The following DLGAP2 variants were observed in gnomAD, a reference collection of about 807,000 sequenced individuals.
DLGAP2 encodes DLG associated protein 2, also known as disks large-associated protein 2.
Under a neutral mutation model 100.3 loss-of-function variants are expected in DLGAP2, and 26 were observed. The observed-to-expected ratio is 0.26, with a 90% CI of 0.19 to 0.36. DLGAP2 has a LOEUF of 0.36. Ranked by LOEUF, DLGAP2 falls within the 10% of genes least tolerant of loss-of-function variation. The pLI is 1.00. For synonymous variants in DLGAP2, 886 were observed against 630.1 expected (o/e 1.41, Z -6.08); for missense variants, 1,858 against 1,453.2 (o/e 1.28, Z -4.53).
Position 774,310 on chromosome 8 carries a change from CTG to C in DLGAP2, c.18+36486_18+36487del, listed in dbSNP as rs1821450522. Among the ~76,000 whole-genome samples, 3 of 152,170 alleles carry C rather than the reference CTG, an allele frequency of 2.0e-5. No homozygotes were observed. In the South Asian group the frequency reaches 6.2e-4, roughly 31 times the overall value. On this transcript the variant is annotated intron_variant, in intron 1 of 14. Coordinates refer to ENST00000637795, the MANE Select transcript of DLGAP2 (RefSeq NM_001346810.2). ...CCATTTTGTGAGTTGCCTGTTCACT[CTG>C]ATGGTAGTTTCTTTTGCTGTGCAGA...
intron 5 of DLGAP2, among the ~76,000 whole-genome samples, chr8:1,559,032 G>A (rs1038608398): frequency 2.0e-5 from 3 of 152,198 alleles, no homozygotes; most frequent in Admixed American, 1.3e-4. Context: ...TTGCAGCTTG[G>A]AAGAAAGAAA....
At chr8:918,534 G>A (rs1225245258) in intron 2 of DLGAP2, among the ~76,000 whole-genome samples, 3 of 152,148 alleles carry the variant, frequency 2.0e-5, no homozygotes, top group Non-Finnish European at 4.4e-5. Context: ...TCTGTGCCCC[G>A]CTGTGTCTGC....
chr8:1,684,095 C>T (rs1434797171), intron 12 of DLGAP2, among the ~76,000 whole-genome samples: 1 of 150,640 alleles, frequency 6.6e-6, no homozygotes. Context: ...AATGCTCCTG[C>T]TTCAGCCTCC....
intron 1 of DLGAP2, among the ~76,000 whole-genome samples, chr8:809,127 A>G (rs1357676860): frequency 2.0e-5 from 3 of 151,928 alleles, no homozygotes; most frequent in Non-Finnish European, 2.9e-5. Flanking sequence ...CTGGTTTCGA[A>G]TTCCTGGCCT....
chr8:1,316,179 G>T (rs1800742459), intron 3 of DLGAP2, among the ~76,000 whole-genome samples: 3 of 124,806 alleles, frequency 2.4e-5, no homozygotes, highest in African/African-American at 8.7e-5. Flanking sequence ...GAGAAACTCA[G>T]CAGCGTTTAA....
At chr8:930,540 C>T (rs1043803694) in intron 2 of DLGAP2, among the ~76,000 whole-genome samples, 1 of 152,204 alleles carries the variant, frequency 6.6e-6, no homozygotes, top group Non-Finnish European at 1.5e-5. Flanking sequence ...CAATAGATTG[C>T]CAGGCAGACA....
At chr8:738,746 G>C (rs1161674585) in intron 1 of DLGAP2, 1 of 152,992 alleles carries the variant, frequency 6.5e-6, no homozygotes, top group Admixed American at 6.5e-5. Flanking sequence ...CTCAGCGCGC[G>C]GCGTGTGCGG....
At chr8:1,280,384 G>A (rs552540433) in intron 3 of DLGAP2, among the ~76,000 whole-genome samples, 21 of 152,198 alleles carry the variant, frequency 1.4e-4, no homozygotes, top group East Asian at 3.9e-4. Flanking sequence ...ACCTACCTGC[G>A]TCATAATACT....
chr8:1,077,837 C>A (rs1471696511), intron 2 of DLGAP2, among the ~76,000 whole-genome samples: 1 of 152,178 alleles, frequency 6.6e-6, no homozygotes, highest in African/African-American at 2.4e-5. Context: ...TTTCATAGCT[C>A]TTCTGGGTGA....
At chr8:1,306,405 A>T (rs1485596209) in intron 3 of DLGAP2, among the ~76,000 whole-genome samples, 1 of 152,202 alleles carries the variant, frequency 6.6e-6, no homozygotes, top group Non-Finnish European at 1.5e-5. Flanking sequence ...CTGTACACTG[A>T]AAACTATAAA....
At chr8:1,130,549 A>T (rs940886672) in intron 2 of DLGAP2, among the ~76,000 whole-genome samples, 3 of 152,206 alleles carry the variant, frequency 2.0e-5, no homozygotes, top group Non-Finnish European at 4.4e-5. Context: ...ATAAAAGCAG[A>T]TGCCGCGTTT....
intron 1 of DLGAP2, among the ~76,000 whole-genome samples, chr8:811,188 G>A (rs1002912349): frequency 6.6e-6 from 1 of 152,246 alleles, no homozygotes; most frequent in African/African-American, 2.4e-5. Context: ...CCTGATTCAA[G>A]TCTGTGAAAC....
chr8:938,954 G>A (rs1408225277), intron 2 of DLGAP2, among the ~76,000 whole-genome samples: 1 of 152,242 alleles, frequency 6.6e-6, no homozygotes, highest in Non-Finnish European at 1.5e-5. Context: ...TCTGTGCTAA[G>A]GAGGCTGAGC....
chr8:1,332,494 T>G (rs1036701831), intron 3 of DLGAP2, among the ~76,000 whole-genome samples: 2 of 152,180 alleles, frequency 1.3e-5, no homozygotes, highest in African/African-American at 4.8e-5. Context: ...CGTAGATACA[T>G]CTGTGTACTC....
chr8:1,678,959 G>A (rs181081427), intron 12 of DLGAP2: 2 of 272,044 alleles, frequency 7.4e-6, no homozygotes, highest in East Asian at 1.3e-4. Flanking sequence ...AACTTAATTT[G>A]CAGCATTTAT....
rs569690765 is a variant in DLGAP2, at chr8:1,447,545, C to G, written c.107-53821C>G. On this transcript the variant is annotated intron_variant, in intron 3 of 14. Transcript: ENST00000637795. ...TCATCAAGGATATTGGTGTAAAATT[C>G]TCTTTTTCGGTTGTGTCTCTGCCCG... Among the ~76,000 whole-genome samples, 13 of 152,298 alleles carry G rather than the reference C, an allele frequency of 8.5e-5. 1 individual carries two copies. The highest frequency in any genetic ancestry group is 8.5e-4 in the Admixed American group (13 of 15,294).
chr8:816,992 T>G (rs1208955746), intron 1 of DLGAP2, among the ~76,000 whole-genome samples: 1 of 152,108 alleles, frequency 6.6e-6, no homozygotes, highest in African/African-American at 2.4e-5. Flanking sequence ...TACAACAAAA[T>G]TAGCCTGGCG....
chr8:969,345 C>G (rs779623809), intron 2 of DLGAP2, among the ~76,000 whole-genome samples: 1 of 152,160 alleles, frequency 6.6e-6, no homozygotes, highest in Non-Finnish European at 1.5e-5. Flanking sequence ...ACTCGTCACC[C>G]TCCATGCGCG....
At chr8:1,031,517 T>C (rs1801971808) in intron 2 of DLGAP2, among the ~76,000 whole-genome samples, 1 of 152,158 alleles carries the variant, frequency 6.6e-6, no homozygotes, top group Admixed American at 6.5e-5. Flanking sequence ...GCTCAAGTGA[T>C]CCTGCCACCT....
Sources: gnomAD v4.1 joint callset for allele counts (sites outside exome capture counted in the v4.1 genomes callset) on GRCh38, gnomAD v4.1.1 for gene constraint, MANE v1.5 for transcripts, NCBI Gene and HGNC (gene_info 2026-07-23, HGNC 2026-07-21) for gene names.